The following ABCC8 variants were observed in gnomAD, a reference collection of about 807,000 sequenced individuals.
ABCC8 encodes the protein ATP binding cassette subfamily C member 8.
Under a neutral mutation model 188.0 loss-of-function variants are expected in ABCC8, and 137 were observed. That is an observed-to-expected ratio of 0.73 (90% CI 0.63 to 0.84). ABCC8 has a LOEUF of 0.84. Ranked by LOEUF, ABCC8 falls within the 40% of genes least tolerant of loss-of-function variation. ABCC8 has a pLI of 0.00. For missense variants in ABCC8, 1,750 were observed against 2,072.7 expected (o/e 0.84, Z 3.02); for synonymous variants, 797 against 846.5 (o/e 0.94, Z 1.01).
chr11:17,469,835 C>T (rs548636352), intron 3 of ABCC8, among the ~76,000 whole-genome samples: 1 of 152,210 alleles, frequency 6.6e-6, no homozygotes, highest in East Asian at 1.9e-4. Context: ...GTGTAGATAG[C>T]AACATTGTCA....
At position 17,428,633 on chromosome 11, in the gene ABCC8, T is replaced by A; in HGVS notation, c.1855A>T (p.Ile619Phe). Residue 619 changes from isoleucine to phenylalanine, a missense_variant, in exon 13 of 39, where the codon ATC (isoleucine) becomes TTC (phenylalanine). Coordinates refer to ENST00000389817, the MANE Select transcript of ABCC8 (RefSeq NM_000352.6). ...TGGGGGGCACACTGCTCCTCACGGA[T>A]CTCTGCACTGGACAGGAACTCGCTT... Reference protein sequence around the residue: ...KLSEFLSSAEIREEQCAPHEP... With the variant: ...KLSEFLSSAEFREEQCAPHEP... 6.2e-7 allele frequency: 1 copy of A among 1,613,914 alleles called. No individual in the cohort carries two copies. Among genetic ancestry groups the A allele is most frequent in the Non-Finnish European group, 8.5e-7 (1 of 1,180,020 alleles).
intron 33 of ABCC8, 184 bp from the exon 34 acceptor site, chr11:17,396,114 G>A (rs1408783375): frequency 7.2e-6 from 10 of 1,385,750 alleles, no homozygotes; most frequent in Middle Eastern, 2.6e-4. Context: ...GGTCCAGAGA[G>A]GGCTTACACA....
At chr11:17,474,611 G>C (rs1012883173) in intron 2 of ABCC8, among the ~76,000 whole-genome samples, 2 of 151,932 alleles carry the variant, frequency 1.3e-5, no homozygotes, top group African/African-American at 4.8e-5. Context: ...TTTCACTGGA[G>C]TTGTGGCATT....
chr11:17,414,647 G>C, intron 18 of ABCC8, 37 bp from the exon 19 acceptor site: 5 of 1,612,294 alleles, frequency 3.1e-6, no homozygotes, highest in Non-Finnish European at 4.2e-6. Context: ...GGTGCGGAAG[G>C]CATTCTCAGG....
chr11:17,422,888 A>ATCACC (rs1554921737), intron 16 of ABCC8, among the ~76,000 whole-genome samples: 1 of 151,888 alleles, frequency 6.6e-6, no homozygotes, highest in Non-Finnish European at 1.5e-5. Flanking sequence ...TGCCCACACC[A>ATCACC]TCACCCCTGC....
chr11:17,428,784 A>T, intron 12 of ABCC8, 114 bp from the exon 13 acceptor site: 2 of 1,537,116 alleles, frequency 1.3e-6, no homozygotes, highest in Non-Finnish European at 1.7e-6. Context: ...GTATAGTCCC[A>T]CAAAGCCCAC....
chr11:17,469,071 TTCCCTCCCTCCC>T (rs1185080750), intron 3 of ABCC8, among the ~76,000 whole-genome samples: 3 of 20,690 alleles, frequency 1.4e-4, no homozygotes, highest in African/African-American at 5.8e-4. Context: ...CCTCCCTCCC[TTCCCTCCCTCCC>T]TCCTTCCTTC....
chr11:17,404,567 A>G lies in ABCC8; in HGVS notation c.3502T>C (p.Leu1168=), dbSNP rs565968675. The change falls in exon 28 of 39, where the codon TTG becomes CTG. Residue 1168 remains leucine (L), a synonymous_variant. Coordinates refer to ENST00000389817, the MANE Select transcript of ABCC8 (RefSeq NM_000352.6). This position sits in a 1 kb window ranked among gnomAD's most constrained non-coding sequence, Gnocchi z 4.7. ...YVTPVFLVAL[L]PLAIVCYFIQ... ...AAGTAGCACACGATGGCCAGGGGCA[A>G]GAGGGCCACGAGGAACACAGGTGTG... 6.2e-7 allele frequency: 1 copy of G among 1,614,080 alleles called. No individual in the cohort carries two copies. The highest frequency in any genetic ancestry group is 2.2e-5 in the East Asian group (1 of 44,866).
chr11:17,453,393 T>C, intron 6 of ABCC8, 110 bp from the exon 7 acceptor site: 2 of 1,468,016 alleles, frequency 1.4e-6, no homozygotes, highest in East Asian at 4.8e-5. Context: ...CAAGACCCTC[T>C]GGGCTTGCAA....
At chr11:17,444,758 C>T (rs1956459180) in intron 8 of ABCC8, among the ~76,000 whole-genome samples, 1 of 152,220 alleles carries the variant, frequency 6.6e-6, no homozygotes, top group Non-Finnish European at 1.5e-5. Context: ...TCTTTGGAGT[C>T]TGTGGCCCTG....
At chr11:17,415,578 G>A (rs771542499) in intron 17 of ABCC8, among the ~76,000 whole-genome samples, 6 of 152,336 alleles carry the variant, frequency 3.9e-5, no homozygotes, top group Non-Finnish European at 4.4e-5. Context: ...CAGTTAAGAG[G>A]GAGAATGGGG....
chr11:17,469,279 G>A (rs1848347970), intron 3 of ABCC8, among the ~76,000 whole-genome samples: 1 of 151,952 alleles, frequency 6.6e-6, no homozygotes, highest in Admixed American at 6.6e-5. Flanking sequence ...TTTAGTAGAG[G>A]TGGGGGTTTC....
intron 3 of ABCC8, among the ~76,000 whole-genome samples, chr11:17,464,219 A>C (rs1357140277): frequency 6.6e-6 from 1 of 152,216 alleles, no homozygotes; most frequent in Non-Finnish European, 1.5e-5. Flanking sequence ...GAGGCCCAGA[A>C]ATAGGATGTG....
Position 17,427,294 on chromosome 11 carries a change from T to C in ABCC8, c.2117-140A>G. On this transcript the variant is annotated intron_variant, in intron 15 of 38. Transcript: ENST00000389817. This position sits in a 1 kb window ranked among gnomAD's most constrained non-coding sequence, Gnocchi z 5.0. ...CCTACCTAGAATCCCCAGCAAGTCCTCTCCCTCTTTAATCCTTTCCTTCTG... is the reference window on the plus strand; with the variant it reads ...CCTACCTAGAATCCCCAGCAAGTCCCCTCCCTCTTTAATCCTTTCCTTCTG... The C allele has an allele frequency of 7.4e-7, 1 of 1,352,736 alleles. No individual in the cohort carries two copies. The highest frequency in any genetic ancestry group is 2.7e-5 in the East Asian group (1 of 36,936). The allele number at this position is 1,352,736 out of a possible 1,614,324, so 83.8% of individuals were successfully genotyped here.
chr11:17,446,602 T>A (rs1956540090), intron 8 of ABCC8, among the ~76,000 whole-genome samples: 1 of 152,090 alleles, frequency 6.6e-6, no homozygotes, highest in South Asian at 2.1e-4. Flanking sequence ...GCATAAAAGG[T>A]TGGTTGGTAA....
intron 23 of ABCC8, among the ~76,000 whole-genome samples, chr11:17,407,938 G>A (rs533744100): frequency 6.6e-6 from 1 of 152,298 alleles, no homozygotes; most frequent in Admixed American, 6.5e-5. Context: ...CATGAGAATG[G>A]AGCCAATTTG....
At position 17,476,791 on chromosome 11, in the gene ABCC8, G is replaced by C. The variant is rs1290659785; in HGVS notation, c.-15C>G. Reference sequence around the variant, plus strand: ...GCCAGGGGCATGGCGGCGCGGGCGCGGGCTGGGCTCGGGCTCAGCTGGCTC... The same window carrying C: ...GCCAGGGGCATGGCGGCGCGGGCGCCGGCTGGGCTCGGGCTCAGCTGGCTC... On this transcript the variant is annotated 5_prime_UTR_variant, in exon 1 of 39. Coordinates refer to ENST00000389817, the MANE Select transcript of ABCC8 (RefSeq NM_000352.6). The C allele has an allele frequency of 1.3e-6, 2 of 1,539,900 alleles. No homozygotes were observed. Among genetic ancestry groups the C allele is most frequent in the East Asian group, 5.1e-5 (2 of 39,490 alleles).
chr11:17,394,954 C>A, intron 36 of ABCC8: 1 of 618,438 alleles, frequency 1.6e-6, no homozygotes. Context: ...CCGCTGTACC[C>A]TGCAGGAGGA....
intron 8 of ABCC8, among the ~76,000 whole-genome samples, chr11:17,445,021 A>G (rs574969148): frequency 2.4e-3 from 368 of 152,346 alleles, no homozygotes; most frequent in Admixed American, 3.2e-3. Context: ...GCTTCCTGAG[A>G]ACTCTGTCAC....
Sources: gnomAD v4.1 joint callset for allele counts (sites outside exome capture counted in the v4.1 genomes callset) on GRCh38, gnomAD v4.1.1 for gene constraint, Gnocchi (gnomAD v3.1) non-coding constraint, MANE v1.5 for transcripts, NCBI Gene and HGNC (gene_info 2026-07-23, HGNC 2026-07-21) for gene names.